DNAH1: variants seen among roughly 807,000 people sequenced by gnomAD.
DNAH1 encodes dynein axonemal heavy chain 1, also known as axonemal beta dynein heavy chain 1.
A neutral mutation model predicts 484.3 loss-of-function variants in DNAH1; 327 were observed. That is an observed-to-expected ratio of 0.68 (90% confidence interval 0.62 to 0.74). DNAH1 has a LOEUF of 0.74. Among genes scored for constraint, DNAH1 ranks in the 30% least tolerant of loss-of-function variants. The pLI is 0.00. For missense variants in DNAH1, 5,052 were observed against 5,546.8 expected, an observed-to-expected ratio of 0.91 and a Z score of 2.83; for synonymous variants, 2,192 against 2,191.9, an observed-to-expected ratio of 1.00 and a Z score of 0.00.
chr3:52,361,397 T>C lies in DNAH1; in HGVS notation c.4874+45T>C. ...TGGCACAGGATGGGGTGGGACAGCCTAGCTCTCCTTGGGGAGGGCTAGGTG... is the reference window on the plus strand; with the variant it reads ...TGGCACAGGATGGGGTGGGACAGCCCAGCTCTCCTTGGGGAGGGCTAGGTG... On this transcript the variant is annotated intron_variant, in intron 29 of 77. Coordinates refer to ENST00000420323, the MANE Select transcript of DNAH1 (RefSeq NM_015512.5). The surrounding 1 kb of genome is among the most constrained non-coding windows in gnomAD (Gnocchi z 5.6). 6.7e-7 allele frequency: 1 copy of C among 1,498,492 alleles called. No homozygotes were observed. The highest frequency in any genetic ancestry group is 8.9e-7 in the Non-Finnish European group (1 of 1,118,364). 92.8% of individuals were successfully genotyped at this position (1,498,492 alleles called of 1,614,324 possible). A position where few individuals can be genotyped will look rare whatever the true frequency, so the allele number is the denominator to read the frequency against.
At position 52,366,506 on chromosome 3, in the gene DNAH1, C is replaced by T. The variant is rs769966386; in HGVS notation, c.5568C>T (p.His1856=). The change falls in exon 35 of 78, where the codon CAC becomes CAT. Residue 1856 remains histidine (H), a synonymous_variant. Coordinates refer to ENST00000420323, the MANE Select transcript of DNAH1 (RefSeq NM_015512.5). The part of the protein sequence containing the change: ...IQLYETTVVR[H]GLMLVGPTGS... ...TCTACGAGACCACGGTGGTACGACA[C>T]GGCCTCATGCTCGTCGGGCCCACAG... 26 of 1,602,966 alleles carry T rather than the reference C, an allele frequency of 1.6e-5. No homozygotes were observed. Among genetic ancestry groups the T allele is most frequent in the South Asian group, 1.2e-4 (11 of 88,724 alleles).
chr3:52,384,887 G>A lies in DNAH1; in HGVS notation c.8424G>A (p.Leu2808=), dbSNP rs1280420750. Residue 2808 remains leucine, a synonymous_variant, in exon 53 of 78, where the codon TTG becomes TTA. Transcript: ENST00000420323. The part of the protein sequence containing the change: ...RHNYVTPKSY[L]ELLHIFSILI... ...ACTATGTGACCCCCAAGAGCTACTT[G>A]GAGCTGCTTCATATTTTCTCCATCC... The A allele has an allele frequency of 1.9e-6, 3 of 1,613,510 alleles. No individual in the cohort carries two copies. Among genetic ancestry groups the A allele is most frequent in the Non-Finnish European group, 2.5e-6 (3 of 1,179,660 alleles).
Position 52,388,515 on chromosome 3 carries a change from C to G in DNAH1, c.9269C>G (p.Thr3090Arg), listed in dbSNP as rs764891965. 6.2e-7 allele frequency: 1 copy of G among 1,612,952 alleles called. No individual in the cohort carries two copies. The highest frequency in any genetic ancestry group is 2.2e-5 in the East Asian group (1 of 44,846). ...CGTGAGGTGGAGGACGGCATCGCCA[C>G]AATGCAGGCTAAGTACCGGGAATGC... ...RLREVEDGIA[T>R]MQAKYRECIT... Residue 3090 changes from threonine to arginine, a missense_variant, in exon 58 of 78, where the codon ACA (threonine) becomes AGA (arginine). Around this residue, in one of 4 missense-constraint regions of DNAH1, gnomAD observed 2,929 missense variants for 3,409.4 expected, o/e 0.86. Transcript: ENST00000420323.
At chr3:52,319,846 A>T (rs1701081152) in intron 1 of DNAH1, among the ~76,000 whole-genome samples, 1 of 152,162 alleles carries the variant, frequency 6.6e-6, no homozygotes, top group South Asian at 2.1e-4. Flanking sequence ...CTGAGTTTGC[A>T]GCTCACTCTC....
At position 52,364,958 on chromosome 3, in the gene DNAH1, C is replaced by T. The variant is rs62257593; in HGVS notation, c.5457C>T (p.Tyr1819=). 2.6e-5 allele frequency: 42 copies of T among 1,613,818 alleles called. No homozygotes were observed. Among genetic ancestry groups the T allele is most frequent in the African/African-American group, 5.3e-5 (4 of 74,926 alleles). Residue 1819 remains tyrosine (Y), a synonymous_variant, in exon 34 of 78, where the codon TAC becomes TAT. Coordinates refer to ENST00000420323, the MANE Select transcript of DNAH1 (RefSeq NM_015512.5). This position sits in a 1 kb window ranked among gnomAD's most constrained non-coding sequence, Gnocchi z 4.2. The stretch of plus-strand genomic sequence containing the variant: ...CCATCAAGGAGGAGGACACGGACTA[C>T]GGCATCCTGGATGAGGCCATCCGCG... ...FPTIKEEDTD[Y]GILDEAIREA...
chr3:52,327,099 TGA>T (rs1701374578), intron 5 of DNAH1, among the ~76,000 whole-genome samples: 1 of 151,302 alleles, frequency 6.6e-6, no homozygotes, highest in Non-Finnish European at 1.5e-5. Context: ...CCTAGAATGC[TGA>T]GTCTTTGCTT....
intron 6 of DNAH1, among the ~76,000 whole-genome samples, chr3:52,328,234 T>C (rs1701422755): frequency 6.6e-6 from 1 of 152,148 alleles, no homozygotes; most frequent in South Asian, 2.1e-4. Flanking sequence ...AGCTGGATGG[T>C]GTCTAGTGTT....
intron 55 of DNAH1, 65 bp from the exon 56 acceptor site, chr3:52,386,597 C>A: frequency 6.8e-7 from 1 of 1,463,636 alleles, no homozygotes; most frequent in Non-Finnish European, 9.1e-7. Flanking sequence ...ACCTTTCTGG[C>A]AGGGTCCCTG....
chr3:52,363,174 G>A (rs756528734), intron 32 of DNAH1, 30 bp downstream of exon 32: 7 of 1,606,718 alleles, frequency 4.4e-6, no homozygotes, highest in Admixed American at 1.7e-5. Flanking sequence ...GGTTTCCAGG[G>A]TCTGAAAACT....
chr3:52,347,288 C>G (rs924326965), intron 11 of DNAH1, among the ~76,000 whole-genome samples: 80 of 151,770 alleles, frequency 5.3e-4, no homozygotes, highest in Admixed American at 1.3e-4. Context: ...ATAGGCCTGG[C>G]GCAGTTGAGG....
chr3:52,396,679 G>A lies in DNAH1; in HGVS notation c.11492G>A (p.Arg3831His), dbSNP rs757609707. The part of the protein sequence containing the change: ...LCLFHGNALE[R>H]RKFGPLGFNI... ...TTGTTCCATGGGAACGCCCTGGAGC[G>A]CCGTAAGTTTGGGCCCCTGGGCTTC... Residue 3831 changes from arginine to histidine, a missense_variant, in exon 72 of 78, where the codon CGC becomes CAC. Coordinates refer to ENST00000420323, the MANE Select transcript of DNAH1 (RefSeq NM_015512.5). The A allele has an allele frequency of 5.6e-6, 9 of 1,613,600 alleles. No individual in the cohort carries two copies. The highest frequency in any genetic ancestry group is 4.2e-6 in the Non-Finnish European group (5 of 1,179,868).
chr3:52,383,131 G>A (rs1359598482), intron 50 of DNAH1, among the ~76,000 whole-genome samples: 1 of 152,200 alleles, frequency 6.6e-6, no homozygotes, highest in Non-Finnish European at 1.5e-5. Context: ...GGGGCGAAGA[G>A]GAAGATGCCA....
chr3:52,341,873 G>C (rs1701953411), intron 8 of DNAH1, among the ~76,000 whole-genome samples: 1 of 152,184 alleles, frequency 6.6e-6, no homozygotes, highest in African/African-American at 2.4e-5. Flanking sequence ...TACCCATCTT[G>C]TGCCAGACAC....
Position 52,386,660 on chromosome 3 carries a change from A to G in DNAH1, c.8812-2A>G. On this transcript the variant is annotated splice_acceptor_variant, in intron 55 of 77. Coordinates refer to ENST00000420323, the MANE Select transcript of DNAH1 (RefSeq NM_015512.5). LOFTEE classifies it high-confidence loss of function. Reference sequence around the variant, plus strand: ...TTCCCCACTTGGTGGCTGGGCCTGCAGGTACGTGCCATGCAGCGGCCACCC... The same window carrying G: ...TTCCCCACTTGGTGGCTGGGCCTGCGGGTACGTGCCATGCAGCGGCCACCC... 1 of 1,567,044 alleles carries G rather than the reference A, an allele frequency of 6.4e-7. No individual in the cohort carries two copies. Among genetic ancestry groups the G allele is most frequent in the Non-Finnish European group, 8.6e-7 (1 of 1,156,146 alleles).
intron 66 of DNAH1, 22 bp downstream of exon 66, chr3:52,393,507 A>G (rs371325873): frequency 6.2e-6 from 10 of 1,612,834 alleles, no homozygotes; most frequent in Admixed American, 1.7e-5. Context: ...GACACCCAGG[A>G]CAGACTGCCT....
Position 52,391,200 on chromosome 3 carries a change from G to A in DNAH1, c.9763G>A (p.Val3255Met). 1 of 1,613,992 alleles carries A rather than the reference G, an allele frequency of 6.2e-7. No individual in the cohort carries two copies. Among genetic ancestry groups the A allele is most frequent in the Non-Finnish European group, 8.5e-7 (1 of 1,179,894 alleles). ...KNMEKDNGLDVFKLSDRDFLR... is the reference protein window; with the variant it reads ...KNMEKDNGLDMFKLSDRDFLR... ...ACAGGAGAAGGACAATGGGCTGGATGTGTTCAAGTTGAGTGACCGCGACTT... is the reference window on the plus strand; with the variant it reads ...ACAGGAGAAGGACAATGGGCTGGATATGTTCAAGTTGAGTGACCGCGACTT... The change falls in exon 62 of 78, where the codon GTG (valine) becomes ATG (methionine). Residue 3255 changes from valine to methionine, a missense_variant. Transcript: ENST00000420323.
Position 52,370,177 on chromosome 3 carries a change from T to C in DNAH1, c.6206T>C (p.Met2069Thr). 6.2e-7 allele frequency: 1 copy of C among 1,613,624 alleles called. No individual in the cohort carries two copies. The highest frequency in any genetic ancestry group is 8.5e-7 in the Non-Finnish European group (1 of 1,179,548). The change falls in exon 39 of 78, where the codon ATG becomes ACG. Residue 2069 changes from methionine (M) to threonine (T), a missense_variant. Met to Thr is a moderately conservative substitution (Grantham distance 81). Transcript: ENST00000420323. ...GCCTCAACCAACTGCAACCTGACCA[T>C]GAGCCTCCTCAAGCTGCTGGACTGC... is the stretch of plus-strand genomic sequence containing the variant. ...VIASTNCNLT[M>T]SLLKLLDCFF...
rs531211342 is a variant in DNAH1 at position 52,355,619 on chromosome 3, C to T, written c.3693+564C>T. The stretch of plus-strand genomic sequence containing the variant: ...CCTGCAGGTGTGATATCCCCTTCCC[C>T]GGGCCTCCCTGATAGCTGCTCAGAG... On this transcript the variant is annotated intron_variant, in intron 21 of 77. Coordinates refer to ENST00000420323, the MANE Select transcript of DNAH1 (RefSeq NM_015512.5). This position sits in a 1 kb window ranked among gnomAD's most constrained non-coding sequence, Gnocchi z 4.5. 3.3e-5 allele frequency among the ~76,000 whole-genome samples: 5 copies of T among 152,350 alleles called. No homozygotes were observed. The South Asian group carries it at 6.2e-4, about 19-fold the overall frequency.
Position 52,387,728 on chromosome 3 carries a change from G to C in DNAH1, c.9004-439G>C, listed in dbSNP as rs527784785. 8.5e-5 allele frequency among the ~76,000 whole-genome samples: 13 copies of C among 152,300 alleles called. No homozygotes were observed. In the South Asian group the frequency reaches 2.5e-3, roughly 29 times the overall value. On this transcript the variant is annotated intron_variant, in intron 56 of 77. Coordinates refer to ENST00000420323, the MANE Select transcript of DNAH1 (RefSeq NM_015512.5). ...CAATGCAAATACCTGGGCCTATTAT[G>C]AACTACAGGGCTGGACTCTCCCTGG... is the stretch of plus-strand genomic sequence containing the variant.
Sources: gnomAD v4.1 joint callset for allele counts (sites outside exome capture counted in the v4.1 genomes callset) on GRCh38, gnomAD v4.1.1 for gene constraint, gnomAD v4.1.1 regional missense constraint, Gnocchi (gnomAD v3.1) non-coding constraint, MANE v1.5 for transcripts, NCBI Gene and HGNC (gene_info 2026-07-23, HGNC 2026-07-21) for gene names.